CDKAL1: variants seen among roughly 807,000 people sequenced by gnomAD.
The protein encoded by CDKAL1 is threonylcarbamoyladenosine tRNA methylthiotransferase.
CDKAL1 carries 32 observed loss-of-function variants against 68.2 expected under a neutral mutation model. The ratio of observed to expected loss-of-function variants is 0.47; its 90% CI spans 0.35 to 0.63. The LOEUF (loss-of-function observed/expected upper bound fraction) is 0.63. CDKAL1 is among the 30% of genes least tolerant of loss of function. The pLI is 0.00. For synonymous variants in CDKAL1, 234 were observed against 244.3 expected (o/e 0.96, Z 0.39); for missense variants, 606 against 696.7 (o/e 0.87, Z 1.47).
chr6:20,700,897 T>G (rs76332838), intron 5 of CDKAL1, among the ~76,000 whole-genome samples: 3 of 64,044 alleles, frequency 4.7e-5, no homozygotes, highest in Admixed American at 1.4e-4. Flanking sequence ...GGTTTTTGGG[T>G]TTTTTTTTTT....
chr6:21,038,609 C>T (rs1406614466), intron 11 of CDKAL1, among the ~76,000 whole-genome samples: 2 of 152,322 alleles, frequency 1.3e-5, no homozygotes, highest in East Asian at 3.9e-4. Context: ...GTCCAGCCCA[C>T]AGCCCAGGAC....
intron 5 of CDKAL1, among the ~76,000 whole-genome samples, chr6:20,734,390 TTAATAC>T (rs1295939572): frequency 1.3e-5 from 2 of 152,158 alleles, no homozygotes; most frequent in Non-Finnish European, 2.9e-5. Context: ...GAAATGGAAA[TTAATAC>T]TATTTTAAAT....
intron 9 of CDKAL1, among the ~76,000 whole-genome samples, chr6:20,921,343 C>T (rs540407689): frequency 1.9e-4 from 29 of 152,226 alleles, no homozygotes; most frequent in Admixed American, 1.6e-3. Flanking sequence ...GCAGGAGAAT[C>T]GCTTGAACCC....
At chr6:21,208,417 G>T (rs1008333026) in intron 15 of CDKAL1, among the ~76,000 whole-genome samples, 2 of 152,232 alleles carry the variant, frequency 1.3e-5, no homozygotes, top group East Asian at 3.9e-4. Flanking sequence ...TTAGTTCAAG[G>T]CCAGATTTGA....
intron 12 of CDKAL1, among the ~76,000 whole-genome samples, chr6:21,080,416 G>C (rs992875641): frequency 6.6e-6 from 1 of 152,190 alleles, no homozygotes; most frequent in South Asian, 2.1e-4. Context: ...GTGGGCTGAT[G>C]CAGTACCTCT....
chr6:20,807,246 G>A (rs926748978), intron 8 of CDKAL1, among the ~76,000 whole-genome samples: 11 of 150,022 alleles, frequency 7.3e-5, no homozygotes, highest in African/African-American at 2.0e-4. Context: ...TTTTTGAGAC[G>A]GAGTCTCGCT....
chr6:20,667,127 G>T (rs1255584248), intron 5 of CDKAL1, among the ~76,000 whole-genome samples: 1 of 152,172 alleles, frequency 6.6e-6, no homozygotes, highest in Admixed American at 6.5e-5. Flanking sequence ...CTGAATGGCA[G>T]GCTTAAGGAT....
chr6:21,191,992 C>CCT (rs1778261718), intron 13 of CDKAL1, among the ~76,000 whole-genome samples: 3 of 34,516 alleles, frequency 8.7e-5, no homozygotes, highest in Non-Finnish European at 1.1e-4. Flanking sequence ...ATTCATTTTT[C>CCT]TTTTTTTTTT....
chr6:20,596,644 CT>C (rs1254906574), intron 4 of CDKAL1, among the ~76,000 whole-genome samples: 3 of 152,210 alleles, frequency 2.0e-5, no homozygotes, highest in Non-Finnish European at 4.4e-5. Flanking sequence ...GGCTCCCTGG[CT>C]TCAGCCCCCT....
chr6:20,769,644 A>G (rs770314180), intron 7 of CDKAL1, among the ~76,000 whole-genome samples: 1 of 152,050 alleles, frequency 6.6e-6, no homozygotes, highest in Non-Finnish European at 1.5e-5. Flanking sequence ...TTTAACTTCT[A>G]GTGTTTGAAA....
At chr6:21,217,745 G>C (rs1435148542) in intron 15 of CDKAL1, among the ~76,000 whole-genome samples, 1 of 152,078 alleles carries the variant, frequency 6.6e-6, no homozygotes, top group South Asian at 2.1e-4. Context: ...TGATCCACCC[G>C]CCTCGGCCTC....
At chr6:20,675,964 C>T (rs1260338417) in intron 5 of CDKAL1, among the ~76,000 whole-genome samples, 1 of 151,952 alleles carries the variant, frequency 6.6e-6, no homozygotes, top group Non-Finnish European at 1.5e-5. Context: ...TGATCCTGAC[C>T]CTGTTCAGAC....
At chr6:21,213,863 A>C (rs1330281864) in intron 15 of CDKAL1, among the ~76,000 whole-genome samples, 1 of 152,214 alleles carries the variant, frequency 6.6e-6, no homozygotes, top group East Asian at 1.9e-4. Flanking sequence ...AGGGACTCAG[A>C]TACTTATATC....
chr6:20,898,920 G>T (rs1367732393), intron 9 of CDKAL1, among the ~76,000 whole-genome samples: 1 of 152,060 alleles, frequency 6.6e-6, no homozygotes, highest in Non-Finnish European at 1.5e-5. Flanking sequence ...GTATCTTGAG[G>T]ATCACCTTAC....
intron 15 of CDKAL1, among the ~76,000 whole-genome samples, chr6:21,212,497 A>G (rs1001519297): frequency 1.3e-5 from 2 of 152,178 alleles, no homozygotes; most frequent in African/African-American, 2.4e-5. Context: ...AGTTGCTTCT[A>G]ACCATAAATT....
intron 4 of CDKAL1, among the ~76,000 whole-genome samples, chr6:20,616,904 A>G (rs1303157748): frequency 6.8e-6 from 1 of 147,532 alleles, no homozygotes; most frequent in Admixed American, 6.8e-5. Context: ...GCTGGACATG[A>G]TGGTGTGCAC....
At chr6:20,599,339 A>G (rs1420306696) in intron 4 of CDKAL1, 1 of 452,668 alleles carries the variant, frequency 2.2e-6, no homozygotes. Context: ...ACTTGGAAAT[A>G]AAATAATTTA....
intron 15 of CDKAL1, among the ~76,000 whole-genome samples, chr6:21,227,454 G>C (rs955963074): frequency 1.3e-5 from 2 of 152,188 alleles, no homozygotes; most frequent in Non-Finnish European, 2.9e-5. Flanking sequence ...TTTAAAAATA[G>C]TATCATCAAA....
chr6:20,953,101 ATAGAG>A (rs1461148734), intron 9 of CDKAL1, among the ~76,000 whole-genome samples: 1 of 152,204 alleles, frequency 6.6e-6, no homozygotes, highest in East Asian at 1.9e-4. Context: ...TTGCTATTAT[ATAGAG>A]TATTTTAGCA....
Sources: gnomAD v4.1 joint callset for allele counts (sites outside exome capture counted in the v4.1 genomes callset) on GRCh38, gnomAD v4.1.1 for gene constraint, MANE v1.5 for transcripts, NCBI Gene and HGNC (gene_info 2026-07-23, HGNC 2026-07-21) for gene names.